QKI: variants seen among roughly 807,000 people sequenced by gnomAD.
QKI encodes KH domain-containing RNA-binding protein QKI.
Under a neutral mutation model 39.0 loss-of-function variants are expected in QKI, and 10 were observed. That is an observed-to-expected ratio of 0.26 (90% CI 0.16 to 0.43). The LOEUF is 0.43. Among genes scored for constraint, QKI ranks in the 20% least tolerant of loss-of-function variants. The pLI is 1.00. For missense variants in QKI, 218 were observed against 428.0 expected, an observed-to-expected ratio of 0.51 and a Z score of 4.33; for synonymous variants, 204 against 155.4, an observed-to-expected ratio of 1.31 and a Z score of -2.33.
intron 4 of QKI, among the ~76,000 whole-genome samples, chr6:163,540,763 A>G (rs1781456141): frequency 6.6e-6 from 1 of 152,090 alleles, no homozygotes; most frequent in Admixed American, 6.6e-5. Context: ...TGATCAGTTT[A>G]CTTTATTCCT....
At chr6:163,487,485 A>G (rs1777755654) in intron 3 of QKI, among the ~76,000 whole-genome samples, 1 of 152,212 alleles carries the variant, frequency 6.6e-6, no homozygotes, top group African/African-American at 2.4e-5. Context: ...GTCAGTGTTA[A>G]TAGTTTCTCT....
intron 3 of QKI, among the ~76,000 whole-genome samples, chr6:163,522,599 T>C (rs1168006348): frequency 6.6e-6 from 1 of 152,166 alleles, no homozygotes; most frequent in Non-Finnish European, 1.5e-5. Flanking sequence ...GAGCAAACTT[T>C]TAACGTTCTG....
At chr6:163,460,853 T>A (rs899814234) in intron 2 of QKI, among the ~76,000 whole-genome samples, 2 of 152,100 alleles carry the variant, frequency 1.3e-5, no homozygotes, top group South Asian at 4.1e-4. Flanking sequence ...AACACTTGAT[T>A]TTTGCCTGAA....
intron 3 of QKI, among the ~76,000 whole-genome samples, chr6:163,526,428 T>C (rs1298744168): frequency 6.6e-6 from 1 of 152,204 alleles, no homozygotes; most frequent in Non-Finnish European, 1.5e-5. Flanking sequence ...ATCTCACATA[T>C]GAATTAGTGA....
chr6:163,563,903 T>C (rs945675539), intron 6 of QKI, 184 bp downstream of exon 6: 16 of 1,415,490 alleles, frequency 1.1e-5, no homozygotes, highest in Non-Finnish European at 1.1e-5. Context: ...AATTGCACCT[T>C]AAATTTATTC....
intron 2 of QKI, among the ~76,000 whole-genome samples, chr6:163,478,132 T>A (rs1182497661): frequency 6.6e-6 from 1 of 152,120 alleles, no homozygotes; most frequent in Non-Finnish European, 1.5e-5. Flanking sequence ...GGATGGTAAT[T>A]TTTTATTTTT....
At chr6:163,544,876 A>G (rs551722186) in intron 4 of QKI, among the ~76,000 whole-genome samples, 4 of 152,270 alleles carry the variant, frequency 2.6e-5, no homozygotes, top group African/African-American at 9.6e-5. Context: ...TTTTTAAGGT[A>G]CAATACATTT....
intron 3 of QKI, among the ~76,000 whole-genome samples, chr6:163,495,409 CTG>C (rs1182655457): frequency 6.6e-6 from 1 of 151,984 alleles, no homozygotes; most frequent in African/African-American, 2.4e-5. Flanking sequence ...GCGTGTGTGT[CTG>C]TATGTATGTA....
At chr6:163,447,333 TTTA>T (rs1202198667) in intron 1 of QKI, among the ~76,000 whole-genome samples, 1 of 151,556 alleles carries the variant, frequency 6.6e-6, no homozygotes, top group Non-Finnish European at 1.5e-5. Flanking sequence ...ACCTTGAGTA[TTTA>T]TTATTTCTGT....
chr6:163,477,827 C>T (rs1326137688), intron 2 of QKI, among the ~76,000 whole-genome samples: 1 of 152,150 alleles, frequency 6.6e-6, no homozygotes, highest in Non-Finnish European at 1.5e-5. Context: ...TTCTTAAGCC[C>T]TGATGGCAGT....
rs950085174 is a variant in QKI at position 163,456,350 on chromosome 6, A to T, written c.285+929A>T. ...AATATAAGGTGTACATAAAATAAGA[A>T]CCTTGTCTTTGTTATTCACTGCTGT... On this transcript the variant is annotated intron_variant, in intron 2 of 7. Transcript: ENST00000361752. 3.3e-5 allele frequency among the ~76,000 whole-genome samples: 5 copies of T among 152,236 alleles called. No homozygotes were observed. In the South Asian group the frequency reaches 1.0e-3, roughly 32 times the overall value.
At chr6:163,461,339 G>C (rs1032063918) in intron 2 of QKI, among the ~76,000 whole-genome samples, 1 of 152,120 alleles carries the variant, frequency 6.6e-6, no homozygotes, top group African/African-American at 2.4e-5. Context: ...TTTTTCCAAC[G>C]TTTAACATTT....
At chr6:163,418,360 G>C (rs181958011) in intron 1 of QKI, among the ~76,000 whole-genome samples, 125 of 152,174 alleles carry the variant, frequency 8.2e-4, no homozygotes, top group Non-Finnish European at 1.5e-3. Flanking sequence ...AAGTGTGCTG[G>C]TTTTCCCAGT....
chr6:163,573,923 G>GA lies in QKI; in HGVS notation c.*3213_*3214insA. 6.6e-6 allele frequency: 1 copy of GA among 152,030 alleles called. No homozygotes were observed. The highest frequency in any genetic ancestry group is 1.5e-5 in the Non-Finnish European group (1 of 68,022). 9.4% of individuals were successfully genotyped at this position (152,030 alleles called of 1,614,324 possible). ...GAAGAACGTGACCACAGATAACATA[G>GA]TGTGACTTGTTTTTATGTTGTTTGT... On this transcript the variant is annotated 3_prime_UTR_variant, in exon 8 of 8. Transcript: ENST00000361752.
intron 3 of QKI, among the ~76,000 whole-genome samples, chr6:163,492,398 C>A (rs1476380440): frequency 6.6e-6 from 1 of 152,066 alleles, no homozygotes; most frequent in African/African-American, 2.4e-5. Flanking sequence ...GTTTTTAAAT[C>A]ACAGGTTGTT....
At chr6:163,569,757 C>G (rs1307829885) in intron 7 of QKI, 2 of 990,316 alleles carry the variant, frequency 2.0e-6, no homozygotes, top group East Asian at 2.2e-4. Context: ...TATGAAATGT[C>G]AGATTTTATT....
chr6:163,416,594 G>C (rs1311347014), intron 1 of QKI: 1 of 152,210 alleles, frequency 6.6e-6, no homozygotes, highest in African/African-American at 2.4e-5. Flanking sequence ...AATGTCACTA[G>C]AGAACAAAAG....
In QKI at chr6:163,513,214, T is replaced by C. The variant is rs1343580884; in HGVS notation, c.403-21768T>C. Among the ~76,000 whole-genome samples, 55 of 152,284 alleles carry C rather than the reference T, an allele frequency of 3.6e-4. 1 individual carries two copies. Among genetic ancestry groups the C allele is most frequent in the Admixed American group, 3.6e-3 (55 of 15,302 alleles). The stretch of plus-strand genomic sequence containing the variant: ...CACTGCAGGTCTTGGAACATATCGC[T>C]TGTAGATAAGAGGAGGACGACTATA... On this transcript the variant is annotated intron_variant, in intron 3 of 7. Coordinates refer to ENST00000361752, the MANE Select transcript of QKI (RefSeq NM_006775.3).
At chr6:163,522,359 TATTAAATA>T (rs1428801983) in intron 3 of QKI, among the ~76,000 whole-genome samples, 1 of 152,110 alleles carries the variant, frequency 6.6e-6, no homozygotes, top group Non-Finnish European at 1.5e-5. Flanking sequence ...TTTATGTATT[TATTAAATA>T]AATAAATGAA....
Sources: gnomAD v4.1 joint callset for allele counts (sites outside exome capture counted in the v4.1 genomes callset) on GRCh38, gnomAD v4.1.1 for gene constraint, MANE v1.5 for transcripts, NCBI Gene and HGNC (gene_info 2026-07-23, HGNC 2026-07-21) for gene names.